Variants in PDE3B observed in about 807,000 individuals in gnomAD.
The protein encoded by PDE3B is cGMP-inhibited 3',5'-cyclic phosphodiesterase 3B.
In PDE3B, 66 loss-of-function variants were observed where a neutral mutation model predicts 116.8. The ratio of observed to expected loss-of-function variants is 0.56; its 90% CI spans 0.46 to 0.69. The LOEUF (loss-of-function observed/expected upper bound fraction) is 0.69. Ranked by LOEUF, PDE3B falls within the 30% of genes least tolerant of loss-of-function variation. The probability of loss-of-function intolerance (pLI) is 0.00; values close to 1 mark genes in which losing one functional copy is unlikely to be tolerated. For synonymous variants in PDE3B, 595 were observed against 533.6 expected, an observed-to-expected ratio of 1.12 and a Z score of -1.59; for missense variants, 1,384 against 1,368.1, an observed-to-expected ratio of 1.01 and a Z score of -0.18.
the PDE3B span, among the ~76,000 whole-genome samples, chr11:14,888,445 C>G: frequency 6.6e-6 from 1 of 152,090 alleles, no homozygotes; most frequent in African/African-American, 2.4e-5. Flanking sequence ...TTGATGAAAA[C>G]CATTAAGTGA....
intron 5 of PDE3B, among the ~76,000 whole-genome samples, chr11:14,811,292 G>T (rs1053923790): frequency 2.0e-5 from 3 of 150,396 alleles, no homozygotes; most frequent in Non-Finnish European, 4.4e-5. Context: ...TAGGGTTTTT[G>T]TGGTTTTAGG....
chr11:14,867,601 C>G lies in PDE3B; in HGVS notation c.2982C>G (p.His994Gln). 6.2e-7 allele frequency: 1 copy of G among 1,614,072 alleles called. No individual in the cohort carries two copies. Among genetic ancestry groups the G allele is most frequent in the Non-Finnish European group, 8.5e-7 (1 of 1,179,990 alleles). Reference sequence around the variant, plus strand: ...AACTCCAAGAATCTTTTATCACCCACATAGTGGGTCCCCTGTGTAACTCCT... The same window carrying G: ...AACTCCAAGAATCTTTTATCACCCAGATAGTGGGTCCCCTGTGTAACTCCT... Reference protein sequence around the residue: ...LAKLQESFITHIVGPLCNSYD... With the variant: ...LAKLQESFITQIVGPLCNSYD... The change falls in exon 15 of 16, where the codon CAC becomes CAG. Residue 994 changes from histidine (H) to glutamine (Q), a missense_variant. By Grantham distance (24) the His-to-Gln change is conservative. This residue lies in a region of PDE3B where 428 missense variants were observed against 561.4 expected (regional missense o/e 0.76). Coordinates refer to ENST00000282096, the MANE Select transcript of PDE3B (RefSeq NM_000922.4).
chr11:14,885,842 G>C, the PDE3B span: 3 of 1,613,542 alleles, frequency 1.9e-6, no homozygotes, highest in Non-Finnish European at 2.5e-6. Flanking sequence ...TCGCTTTGAT[G>C]AACAAGGCAT....
At chr11:14,706,147 C>T (rs1391560643) in intron 1 of PDE3B, among the ~76,000 whole-genome samples, 4 of 151,634 alleles carry the variant, frequency 2.6e-5, no homozygotes, top group Admixed American at 2.6e-4. Flanking sequence ...TTCTCCCTCC[C>T]TCCTTCACTC....
chr11:14,825,839 C>T (rs1859671035), intron 7 of PDE3B, among the ~76,000 whole-genome samples: 1 of 152,150 alleles, frequency 6.6e-6, no homozygotes, highest in African/African-American at 2.4e-5. Flanking sequence ...ACATTTTTCT[C>T]ATTGCCACAT....
At chr11:14,783,050 C>A (rs1858074071) in intron 2 of PDE3B, among the ~76,000 whole-genome samples, 1 of 152,162 alleles carries the variant, frequency 6.6e-6, no homozygotes, top group Non-Finnish European at 1.5e-5. Flanking sequence ...AAATCAAAAC[C>A]ACAATGAGAT....
chr11:14,872,857 G>A (rs1030791825), downstream of PDE3B, among the ~76,000 whole-genome samples: 6 of 151,638 alleles, frequency 4.0e-5, no homozygotes, highest in Non-Finnish European at 1.5e-5. Context: ...CCAATGCAGA[G>A]CCAACTAAAT....
chr11:14,698,348 TA>T (rs970001225), intron 1 of PDE3B, among the ~76,000 whole-genome samples: 10 of 151,972 alleles, frequency 6.6e-5, no homozygotes, highest in African/African-American at 1.4e-4. Flanking sequence ...AATTACTTTT[TA>T]AAAAAATTTT....
chr11:14,847,197 C>T (rs1406279012), intron 12 of PDE3B, among the ~76,000 whole-genome samples: 13 of 152,182 alleles, frequency 8.5e-5, no homozygotes, highest in East Asian at 7.7e-4. Context: ...CACTCAAAAC[C>T]GCTCAACTAC....
intron 1 of PDE3B, among the ~76,000 whole-genome samples, chr11:14,728,309 T>C (rs746192351): frequency 3.3e-5 from 5 of 152,122 alleles, no homozygotes; most frequent in Non-Finnish European, 7.4e-5. Flanking sequence ...AAGTCACTAA[T>C]ACTTGTAACC....
intron 1 of PDE3B, among the ~76,000 whole-genome samples, chr11:14,756,017 T>G (rs1478801944): frequency 6.6e-6 from 1 of 152,184 alleles, no homozygotes; most frequent in East Asian, 1.9e-4. Context: ...TACTCCAACT[T>G]AACCCATTTT....
At chr11:14,682,844 G>A (rs967620242) in intron 1 of PDE3B, among the ~76,000 whole-genome samples, 1 of 151,342 alleles carries the variant, frequency 6.6e-6, no homozygotes, top group African/African-American at 2.4e-5. Flanking sequence ...AAACGAATTG[G>A]GAAGTTTTCC....
chr11:14,704,967 A>T (rs1391518696), intron 1 of PDE3B, among the ~76,000 whole-genome samples: 1 of 151,720 alleles, frequency 6.6e-6, no homozygotes, highest in Non-Finnish European at 1.5e-5. Context: ...TATATTTGAG[A>T]AACGACTTAT....
intron 1 of PDE3B, among the ~76,000 whole-genome samples, chr11:14,700,383 A>C (rs1044446995): frequency 1.3e-5 from 2 of 150,966 alleles, no homozygotes; most frequent in Non-Finnish European, 1.5e-5. Flanking sequence ...AAAAAGAGGA[A>C]GTTGATTTTA....
At chr11:14,891,942 C>T in the PDE3B span, 1 of 1,602,738 alleles carries the variant, frequency 6.2e-7, no homozygotes, top group South Asian at 1.1e-5. Context: ...CCGGGCCAGC[C>T]TGGCGGCCCT....
At chr11:14,737,973 A>G (rs1038363590) in intron 1 of PDE3B, among the ~76,000 whole-genome samples, 8 of 152,172 alleles carry the variant, frequency 5.3e-5, no homozygotes, top group East Asian at 3.9e-4. Context: ...GCTGCATAGT[A>G]TTCCATGGTG....
chr11:14,699,611 G>A (rs549673534), intron 1 of PDE3B, among the ~76,000 whole-genome samples: 6 of 151,650 alleles, frequency 4.0e-5, no homozygotes, highest in South Asian at 2.1e-4. Context: ...AATGTTTGGC[G>A]TCTTTATGAG....
chr11:14,835,197 C>A, intron 11 of PDE3B, 102 bp downstream of exon 11: 1 of 692,614 alleles, frequency 1.4e-6, no homozygotes, highest in Non-Finnish European at 2.4e-6. Context: ...ATTAAGTAAC[C>A]GTTTAGTACA....
At chr11:14,789,553 C>A (rs1858320223) in intron 4 of PDE3B, among the ~76,000 whole-genome samples, 1 of 151,892 alleles carries the variant, frequency 6.6e-6, no homozygotes, top group Non-Finnish European at 1.5e-5. Context: ...ATAGAAGTGG[C>A]CATTACAGGG....
Sources: allele counts gnomAD v4.1 joint callset (sites outside exome capture counted in the v4.1 genomes callset), GRCh38; gene constraint gnomAD v4.1.1; regional missense constraint gnomAD v4.1.1; transcripts MANE v1.5; gene names NCBI Gene and HGNC (gene_info 2026-07-23, HGNC 2026-07-21).